The following PDE1C variants were observed in gnomAD, a reference collection of about 807,000 sequenced individuals.
The protein encoded by PDE1C is phosphodiesterase 1C.
A neutral mutation model predicts 93.1 loss-of-function variants in PDE1C; 62 were observed. The observed-to-expected ratio is 0.67, with a 90% CI of 0.54 to 0.82. The LOEUF is 0.82. PDE1C is among the 40% of genes least tolerant of loss of function. PDE1C has a pLI of 0.00. For missense variants in PDE1C, 742 were observed against 884.6 expected, an observed-to-expected ratio of 0.84 and a Z score of 2.04; for synonymous variants, 325 against 310.1, an observed-to-expected ratio of 1.05 and a Z score of -0.50.
Position 32,387,705 on chromosome 7 carries a change from C to T in PDE1C, c.310+40117G>A, listed in dbSNP as rs1301847353. 5.7e-5 allele frequency among the ~76,000 whole-genome samples: 8 copies of T among 139,226 alleles called. No homozygotes were observed. In the South Asian group the frequency reaches 9.6e-4, roughly 17 times the overall value. The allele number at this position is 139,226 out of a possible 152,430, so 91.3% of individuals were successfully genotyped here. ...TGACCCCCCCCACCTCCCTCCCGGA[C>T]GGGGCGGCTGGCCGGGCAGAGGGGC... On this transcript the variant is annotated intron_variant, in intron 1 of 1. Transcript: ENST00000672256.
At chr7:32,034,745 A>G (rs1042783364) in intron 2 of PDE1C, among the ~76,000 whole-genome samples, 2 of 152,192 alleles carry the variant, frequency 1.3e-5, no homozygotes, top group Non-Finnish European at 1.5e-5. Flanking sequence ...ATAAGAGTTA[A>G]GAGATTGGGG....
At chr7:32,327,530 A>G (rs1000097642) in intron 1 of PDE1C, among the ~76,000 whole-genome samples, 10 of 152,160 alleles carry the variant, frequency 6.6e-5, no homozygotes, top group African/African-American at 2.4e-4. Flanking sequence ...GCACTTTGGG[A>G]GGCCGAAGTG....
intron 1 of PDE1C, among the ~76,000 whole-genome samples, chr7:32,377,998 C>A (rs1417739487): frequency 6.6e-6 from 1 of 152,206 alleles, no homozygotes; most frequent in African/African-American, 2.4e-5. Flanking sequence ...GAGACTATTT[C>A]TGGAAGGGAG....
the PDE1C span, among the ~76,000 whole-genome samples, chr7:31,630,918 A>C: frequency 6.6e-6 from 1 of 152,202 alleles, no homozygotes; most frequent in Non-Finnish European, 1.5e-5. Flanking sequence ...AATGTATGAA[A>C]TAAGACCAAA....
intron 2 of PDE1C, among the ~76,000 whole-genome samples, chr7:31,938,928 A>G (rs1805444252): frequency 6.6e-6 from 1 of 152,142 alleles, no homozygotes; most frequent in Non-Finnish European, 1.5e-5. Flanking sequence ...ACACAGCATC[A>G]TTGTCAAGAG....
intron 2 of PDE1C, among the ~76,000 whole-genome samples, chr7:32,044,624 G>A (rs566326686): frequency 3.9e-5 from 6 of 152,248 alleles, no homozygotes; most frequent in African/African-American, 1.2e-4. Context: ...CAGGTGATGA[G>A]ACTGGACCAA....
the PDE1C span, among the ~76,000 whole-genome samples, chr7:31,689,283 A>T: frequency 1.0e-3 from 155 of 152,340 alleles, no homozygotes; most frequent in Non-Finnish European, 1.8e-3. Flanking sequence ...CAGTTTATGA[A>T]AACACCCCCA....
chr7:32,193,787 C>T (rs997959736), intron 2 of PDE1C, among the ~76,000 whole-genome samples: 10 of 151,426 alleles, frequency 6.6e-5, no homozygotes, highest in African/African-American at 9.7e-5. Context: ...CAAGAGATTG[C>T]GGGGGGAGGA....
the PDE1C span, among the ~76,000 whole-genome samples, chr7:31,729,690 T>G: frequency 3.9e-5 from 6 of 152,148 alleles, no homozygotes; most frequent in Admixed American, 2.6e-4. Flanking sequence ...AATTGTAAGC[T>G]TAGTCCAGTA....
chr7:31,658,823 T>C, the PDE1C span: 2 of 152,602 alleles, frequency 1.3e-5, no homozygotes, highest in South Asian at 4.1e-4. Context: ...TTTCAGATCA[T>C]AAGAATCAAA....
At chr7:32,287,663 C>A (rs1442025529) in intron 1 of PDE1C, among the ~76,000 whole-genome samples, 2 of 152,222 alleles carry the variant, frequency 1.3e-5, no homozygotes, top group Non-Finnish European at 2.9e-5. Flanking sequence ...CAGGGCACTG[C>A]AAAGTACGGG....
Position 31,815,962 on chromosome 7 carries a change from G to A in PDE1C, c.1775C>T (p.Ser592Phe), listed in dbSNP as rs1018039717. 4.3e-6 allele frequency: 7 copies of A among 1,613,896 alleles called. No individual in the cohort carries two copies. The highest frequency in any genetic ancestry group is 5.9e-6 in the Non-Finnish European group (7 of 1,179,846). ...TTCTCCTGATGACTTCTCGGCTTTG[G>A]AGTTTTTCCCACGAGGGTTGTCACT... Reference protein sequence around the residue: ...NKSDNPRGKNSKAEKSSGEQQ... With the variant: ...NKSDNPRGKNFKAEKSSGEQQ... The change falls in exon 15 of 18, where the codon TCC becomes TTC. Residue 592 changes from serine to phenylalanine, a missense_variant. Around this residue, in one of 4 missense-constraint regions of PDE1C, gnomAD observed 454 missense variants for 459.4 expected, o/e 0.99. Coordinates refer to ENST00000396191, the MANE Select transcript of PDE1C (RefSeq NM_001191057.4).
At position 32,313,669 on chromosome 7, in the gene PDE1C, C is replaced by T. The variant is rs546873972; in HGVS notation, c.311-104130G>A. On this transcript the variant is annotated intron_variant, in intron 1 of 1. Transcript: ENST00000672256. ...ATCGCAAGGACAAAAAACCAAACAC[C>T]GCATGTTCTCACTCATAGGTGGGAA... is the stretch of plus-strand genomic sequence containing the variant. 3.2e-3 allele frequency among the ~76,000 whole-genome samples: 486 copies of T among 150,334 alleles called. 3 individuals carry two copies. Among genetic ancestry groups the T allele is most frequent in the African/African-American group, 0.011 (467 of 40,982 alleles).
chr7:32,246,348 A>G (rs192366245), intron 1 of PDE1C, among the ~76,000 whole-genome samples: 16 of 152,268 alleles, frequency 1.1e-4, no homozygotes, highest in Admixed American at 9.8e-4. Flanking sequence ...TATGACAAAG[A>G]AGAGCTCTGC....
intron 2 of PDE1C, among the ~76,000 whole-genome samples, chr7:32,006,824 C>T (rs1278337519): frequency 6.6e-6 from 1 of 152,146 alleles, no homozygotes; most frequent in African/African-American, 2.4e-5. Context: ...AGAAGAGTGC[C>T]ATGATGCAAA....
chr7:32,138,849 A>G (rs32313), intron 3 of PDE1C, among the ~76,000 whole-genome samples: 3,733 of 152,260 alleles, frequency 0.025, 145 homozygotes, highest in African/African-American at 0.086. Flanking sequence ...AAATTCATAA[A>G]TAGACATTAG....
chr7:31,975,771 G>A (rs866124573), intron 2 of PDE1C, among the ~76,000 whole-genome samples: 2 of 152,106 alleles, frequency 1.3e-5, no homozygotes, highest in South Asian at 2.1e-4. Flanking sequence ...GATTAGCCAC[G>A]TAAAGTTGTG....
At chr7:32,331,021 AC>A (rs146988733) in intron 1 of PDE1C, among the ~76,000 whole-genome samples, 3,416 of 150,086 alleles carry the variant, frequency 0.023, 89 homozygotes, top group African/African-American at 0.06. Context: ...TGTCCTCCAA[AC>A]CCTGGGCAAG....
intron 1 of PDE1C, among the ~76,000 whole-genome samples, chr7:32,315,705 A>C (rs1783154612): frequency 6.6e-6 from 1 of 152,242 alleles, no homozygotes; most frequent in African/African-American, 2.4e-5. Flanking sequence ...TTCTTTGTTT[A>C]AAATATTTTG....
Sources: allele counts gnomAD v4.1 joint callset (sites outside exome capture counted in the v4.1 genomes callset), GRCh38; gene constraint gnomAD v4.1.1; regional missense constraint gnomAD v4.1.1; transcripts MANE v1.5; gene names NCBI Gene and HGNC (gene_info 2026-07-23, HGNC 2026-07-21).